The following EIPR1 variants were observed in gnomAD, a reference collection of about 807,000 sequenced individuals.
The protein encoded by EIPR1 is EARP and GARP complex-interacting protein 1.
A neutral mutation model predicts 48.1 loss-of-function variants in EIPR1; 25 were observed. That is an observed-to-expected ratio of 0.52 (90% confidence interval 0.38 to 0.73). The LOEUF is 0.73. EIPR1 is among the 30% of genes least tolerant of loss of function. The pLI, the probability that EIPR1 is intolerant of heterozygous loss-of-function variation, is 0.00. For synonymous variants in EIPR1, 204 were observed against 201.9 expected (o/e 1.01, Z -0.09); for missense variants, 415 against 506.2 (o/e 0.82, Z 1.73).
At chr2:3,264,898 G>A (rs1261177985) in intron 3 of EIPR1, among the ~76,000 whole-genome samples, 3 of 152,038 alleles carry the variant, frequency 2.0e-5, no homozygotes, top group African/African-American at 2.4e-5. Flanking sequence ...TGTTGGTCAG[G>A]CTGGTCTCGA....
Position 3,189,290 on chromosome 2 carries a change from G to C in EIPR1, c.*44C>G, listed in dbSNP as rs1175981453. ...CTGCGACTGTTTGAGAATCTGCCAAGAGGAAAACCACTCAATGGGACCTGG... is the reference window on the plus strand; with the variant it reads ...CTGCGACTGTTTGAGAATCTGCCAACAGGAAAACCACTCAATGGGACCTGG... On this transcript the variant is annotated 3_prime_UTR_variant, in exon 9 of 9. Transcript: ENST00000382125. This position sits in a 1 kb window ranked among gnomAD's most constrained non-coding sequence, Gnocchi z 4.6. The C allele has an allele frequency of 6.7e-7, 1 of 1,495,300 alleles. No homozygotes were observed. The highest frequency in any genetic ancestry group is 1.4e-5 in the African/African-American group (1 of 72,298). 92.6% of individuals were successfully genotyped at this position (1,495,300 alleles called of 1,614,324 possible). A position where few individuals can be genotyped will look rare whatever the true frequency, so the allele number is the denominator to read the frequency against.
At chr2:3,359,723 TAAGTC>T (rs1317391659) in intron 1 of EIPR1, among the ~76,000 whole-genome samples, 1 of 152,198 alleles carries the variant, frequency 6.6e-6, no homozygotes, top group East Asian at 1.9e-4. Flanking sequence ...AAATGACCAC[TAAGTC>T]TAGTCAGAAT....
chr2:3,354,752 A>G (rs1347486884), intron 1 of EIPR1, 119 bp from the exon 2 acceptor site: 5 of 1,128,528 alleles, frequency 4.4e-6, no homozygotes, highest in Non-Finnish European at 6.5e-6. Context: ...AAATTAGTAC[A>G]GAGTGTCTGG....
At chr2:3,245,693 C>T (rs1666774538) in intron 4 of EIPR1, among the ~76,000 whole-genome samples, 1 of 152,216 alleles carries the variant, frequency 6.6e-6, no homozygotes, top group African/African-American at 2.4e-5. Flanking sequence ...GGAAAGCATG[C>T]CAGTGTGAGG....
intron 2 of EIPR1, among the ~76,000 whole-genome samples, chr2:3,347,963 C>G (rs538912914): frequency 1.1e-4 from 16 of 152,060 alleles, no homozygotes; most frequent in Non-Finnish European, 1.9e-4. Context: ...GCAGGAGCAG[C>G]GGGGAAGAAA....
intron 7 of EIPR1, among the ~76,000 whole-genome samples, chr2:3,192,994 C>T (rs1026902389): frequency 1.3e-5 from 2 of 152,190 alleles, no homozygotes; most frequent in Admixed American, 6.5e-5. Flanking sequence ...CAGGGCATGG[C>T]GGCCTCCCGG....
intron 1 of EIPR1, among the ~76,000 whole-genome samples, chr2:3,370,873 A>C (rs1671097679): frequency 6.6e-6 from 1 of 152,124 alleles, no homozygotes; most frequent in African/African-American, 2.4e-5. Flanking sequence ...ATTCAGATTC[A>C]GGAAATACAG....
intron 3 of EIPR1, among the ~76,000 whole-genome samples, chr2:3,287,970 T>C (rs1050164885): frequency 3.3e-5 from 5 of 152,238 alleles, no homozygotes; most frequent in African/African-American, 7.2e-5. Flanking sequence ...GTAGGCTGCC[T>C]GCACTAAGGG....
At chr2:3,268,344 C>T (rs1401715356) in intron 3 of EIPR1, among the ~76,000 whole-genome samples, 2 of 152,184 alleles carry the variant, frequency 1.3e-5, no homozygotes, top group African/African-American at 2.4e-5. Context: ...CAGCTGTGAC[C>T]GCCCACTCCC....
chr2:3,217,853 A>G (rs981587364), intron 4 of EIPR1, among the ~76,000 whole-genome samples: 4 of 152,108 alleles, frequency 2.6e-5, no homozygotes, highest in African/African-American at 9.7e-5. Flanking sequence ...CACCCCACAG[A>G]GTGTGAGTGT....
intron 1 of EIPR1, among the ~76,000 whole-genome samples, chr2:3,361,470 C>T (rs1281689508): frequency 6.6e-6 from 1 of 151,384 alleles, no homozygotes; most frequent in Non-Finnish European, 1.5e-5. Flanking sequence ...TCCCTTTCTC[C>T]TTGGAAAAAA....
intron 3 of EIPR1, among the ~76,000 whole-genome samples, chr2:3,277,226 G>A: frequency 6.6e-6 from 1 of 151,592 alleles, no homozygotes; most frequent in Admixed American, 6.6e-5. Context: ...CCCCGCACCT[G>A]TCTCCACCCA....
chr2:3,311,381 T>G (rs35995094), intron 3 of EIPR1, among the ~76,000 whole-genome samples: 44,906 of 151,968 alleles, frequency 0.3, 9,213 homozygotes, highest in East Asian at 0.64. Context: ...TAAAAAAAAA[T>G]ATTTTTAGAA....
Position 3,195,311 on chromosome 2 carries a change from G to A in EIPR1, c.654-1145C>T, listed in dbSNP as rs566326642. Among the ~76,000 whole-genome samples the A allele has an allele frequency of 2.0e-5, 3 of 152,340 alleles. No homozygotes were observed. In the East Asian group the frequency reaches 5.8e-4, roughly 29 times the overall value. On this transcript the variant is annotated intron_variant, in intron 6 of 8. Coordinates refer to ENST00000382125, the MANE Select transcript of EIPR1 (RefSeq NM_003310.5). ...CGTGGGCGGGACTGAAATCACTCCT[G>A]CATCATTTACCTTCCTCACCGCAGG... is the stretch of plus-strand genomic sequence containing the variant.
chr2:3,354,559 A>G lies in EIPR1; in HGVS notation c.117T>C (p.Tyr39=). Residue 39 remains tyrosine (Y), a synonymous_variant, in exon 2 of 9, where the codon TAT becomes TAC. Coordinates refer to ENST00000382125, the MANE Select transcript of EIPR1 (RefSeq NM_003310.5). ...RFLVGTQSLK[Y]DNQIHIIDFD... is the part of the protein sequence containing the mutation. ...TGTCAAAAATAGTTACCTGATTATC[A>G]TATTTAAGAGACTGCGTCCCAACCA... The G allele has an allele frequency of 6.2e-7, 1 of 1,614,026 alleles. No individual in the cohort carries two copies. The highest frequency in any genetic ancestry group is 8.5e-7 in the Non-Finnish European group (1 of 1,179,928).
chr2:3,269,606 C>T (rs1667634474), intron 3 of EIPR1, among the ~76,000 whole-genome samples: 1 of 89,104 alleles, frequency 1.1e-5, no homozygotes, highest in Admixed American at 1.2e-4. Flanking sequence ...CTCAATCGCA[C>T]TCAATCATCA....
intron 6 of EIPR1, among the ~76,000 whole-genome samples, chr2:3,196,260 T>C (rs1260661465): frequency 6.6e-6 from 1 of 152,200 alleles, no homozygotes; most frequent in Non-Finnish European, 1.5e-5. Context: ...AGCTCGGTGA[T>C]AAATTATGGT....
At chr2:3,220,726 A>T (rs1304029993) in intron 4 of EIPR1, among the ~76,000 whole-genome samples, 1 of 151,788 alleles carries the variant, frequency 6.6e-6, no homozygotes, top group Non-Finnish European at 1.5e-5. Context: ...TAGAACATTC[A>T]CAGTGAGTCC....
chr2:3,274,568 A>G (rs897445471), intron 3 of EIPR1: 12 of 1,191,054 alleles, frequency 1.0e-5, no homozygotes, highest in African/African-American at 3.1e-5. Context: ...AGCCTCACTA[A>G]GGGAACTTCT....
Sources: allele counts gnomAD v4.1 joint callset (sites outside exome capture counted in the v4.1 genomes callset), GRCh38; gene constraint gnomAD v4.1.1; non-coding constraint Gnocchi (gnomAD v3.1); transcripts MANE v1.5; gene names NCBI Gene and HGNC (gene_info 2026-07-23, HGNC 2026-07-21).